FAT3: variants seen among roughly 807,000 people sequenced by gnomAD.
FAT3 encodes the protein protocadherin Fat 3.
In FAT3, 95 loss-of-function variants were observed where a neutral mutation model predicts 310.2. The ratio of observed to expected loss-of-function variants is 0.31; its 90% CI spans 0.26 to 0.36. FAT3 has a LOEUF of 0.36. FAT3 is among the 10% of genes least tolerant of loss of function. The probability of loss-of-function intolerance (pLI) is 1.00; values close to 1 mark genes in which losing one functional copy is unlikely to be tolerated. For synonymous variants in FAT3, 2,314 were observed against 2,192.9 expected (o/e 1.06, Z -1.54); for missense variants, 5,408 against 5,715.6 (o/e 0.95, Z 1.74).
At chr11:92,598,956 T>C (rs1353224454) in intron 3 of FAT3, among the ~76,000 whole-genome samples, 3 of 152,134 alleles carry the variant, frequency 2.0e-5, no homozygotes, top group Admixed American at 6.5e-5. Context: ...CTCATAATCG[T>C]TTTGACTCCC....
intron 3 of FAT3, among the ~76,000 whole-genome samples, chr11:92,640,062 G>A (rs894638809): frequency 6.6e-6 from 1 of 152,016 alleles, no homozygotes; most frequent in African/African-American, 2.4e-5. Context: ...TCAGTTCCTG[G>A]CAGTCTTCAT....
rs186799715 is a variant in FAT3, at chr11:92,801,356, T to C, written c.8343T>C (p.Phe2781=). 2 of 1,613,932 alleles carry C rather than the reference T, an allele frequency of 1.2e-6. No individual in the cohort carries two copies. Among genetic ancestry groups the C allele is most frequent in the Non-Finnish European group, 1.7e-6 (2 of 1,179,864 alleles). ...GTGAAACCAGCCCAGCTTTCCACTT[T>C]AAAGTAGCAGCCACTATACCCCTGG... ...LDRETSPAFH[F]KVAATIPLDK... Residue 2781 remains phenylalanine, a synonymous_variant, in exon 10 of 28, where the codon TTT becomes TTC. Transcript: ENST00000525166.
At chr11:92,848,832 G>A (rs574839621) in intron 19 of FAT3, among the ~76,000 whole-genome samples, 103 of 152,338 alleles carry the variant, frequency 6.8e-4, no homozygotes, top group Non-Finnish European at 1.3e-3. Flanking sequence ...GTATAAAGAG[G>A]AATCACTGGA....
At chr11:92,694,158 T>G (rs1388072024) in intron 3 of FAT3, among the ~76,000 whole-genome samples, 1 of 152,196 alleles carries the variant, frequency 6.6e-6, no homozygotes, top group African/African-American at 2.4e-5. Context: ...GTCTGTAATT[T>G]TAGAACATTT....
intron 17 of FAT3, among the ~76,000 whole-genome samples, chr11:92,839,253 A>C (rs1336701334): frequency 6.6e-6 from 1 of 152,196 alleles, no homozygotes; most frequent in African/African-American, 2.4e-5. Flanking sequence ...CAGGGCAGGC[A>C]TGTCTATGTT....
At chr11:92,485,940 C>T (rs1952368601) in intron 2 of FAT3, among the ~76,000 whole-genome samples, 1 of 151,998 alleles carries the variant, frequency 6.6e-6, no homozygotes, top group Non-Finnish European at 1.5e-5. Flanking sequence ...TAATTCTGAG[C>T]ATATTCTGCA....
chr11:92,553,600 G>A (rs1954894001), intron 3 of FAT3, among the ~76,000 whole-genome samples: 1 of 152,148 alleles, frequency 6.6e-6, no homozygotes, highest in African/African-American at 2.4e-5. Flanking sequence ...TGGGCCCTTG[G>A]CCACACTGGG....
intron 22 of FAT3, 37 bp from the exon 23 acceptor site, chr11:92,880,694 T>C (rs1480096657): frequency 3.8e-6 from 6 of 1,598,076 alleles, no homozygotes; most frequent in Non-Finnish European, 5.1e-6. Context: ...GCCCTAGCAG[T>C]GGCATCCATG....
intron 2 of FAT3, among the ~76,000 whole-genome samples, chr11:92,399,781 T>C (rs955597762): frequency 1.3e-5 from 2 of 152,132 alleles, no homozygotes; most frequent in African/African-American, 4.8e-5. Context: ...CTTACGCAAA[T>C]CAGTTGTCAG....
intron 4 of FAT3, among the ~76,000 whole-genome samples, chr11:92,731,695 C>A (rs1945184125): frequency 8.3e-6 from 1 of 120,226 alleles, no homozygotes; most frequent in Non-Finnish European, 1.9e-5. Context: ...TAGGTTCATT[C>A]TCTTGGGAAA....
intron 2 of FAT3, among the ~76,000 whole-genome samples, chr11:92,478,659 G>A (rs1046432182): frequency 4.0e-5 from 6 of 151,636 alleles, no homozygotes; most frequent in South Asian, 2.1e-4. Flanking sequence ...CTCTGTCCCC[G>A]AGGCTAGAGT....
chr11:92,278,384 G>T (rs71473476), intron 1 of FAT3, among the ~76,000 whole-genome samples: 2,452 of 151,964 alleles, frequency 0.016, 68 homozygotes, highest in African/African-American at 0.055. Context: ...TTTATGCTTC[G>T]CCATGGTAGT....
At chr11:92,309,270 C>T (rs1351426996) in intron 1 of FAT3, among the ~76,000 whole-genome samples, 3 of 149,764 alleles carry the variant, frequency 2.0e-5, no homozygotes. Context: ...ATATGTGGGT[C>T]ACATCCTAGA....
chr11:92,599,142 G>T (rs1197980465), intron 3 of FAT3, among the ~76,000 whole-genome samples: 1 of 152,152 alleles, frequency 6.6e-6, no homozygotes, highest in African/African-American at 2.4e-5. Flanking sequence ...CAAGGGAATT[G>T]TATTAGTCCA....
At chr11:92,667,579 G>C (rs1942996430) in intron 3 of FAT3, among the ~76,000 whole-genome samples, 1 of 152,152 alleles carries the variant, frequency 6.6e-6, no homozygotes, top group Non-Finnish European at 1.5e-5. Flanking sequence ...TTATTGAATG[G>C]GGCTGCCTGC....
At chr11:92,571,467 G>T (rs1955661906) in intron 3 of FAT3, among the ~76,000 whole-genome samples, 1 of 152,208 alleles carries the variant, frequency 6.6e-6, no homozygotes, top group South Asian at 2.1e-4. Context: ...GTGGAGCACA[G>T]TTCAGCCTGT....
chr11:92,660,921 T>G (rs1317917991), intron 3 of FAT3, among the ~76,000 whole-genome samples: 5 of 152,220 alleles, frequency 3.3e-5, no homozygotes, highest in Admixed American at 3.3e-4. Context: ...AGGTGGTGAT[T>G]TATCAGCATT....
At chr11:92,723,970 C>T (rs371420334) in intron 4 of FAT3, among the ~76,000 whole-genome samples, 1 of 152,170 alleles carries the variant, frequency 6.6e-6, no homozygotes, top group East Asian at 1.9e-4. Context: ...AGAGGCTGCT[C>T]TTGGAGAGTC....
chr11:92,668,005 C>G (rs1943010361), intron 3 of FAT3, among the ~76,000 whole-genome samples: 2 of 152,180 alleles, frequency 1.3e-5, no homozygotes, highest in African/African-American at 4.8e-5. Context: ...GTGAGCCTGC[C>G]TTGGGCTCTC....
Sources: allele counts gnomAD v4.1 joint callset (sites outside exome capture counted in the v4.1 genomes callset), GRCh38; gene constraint gnomAD v4.1.1; transcripts MANE v1.5; gene names NCBI Gene and HGNC (gene_info 2026-07-23, HGNC 2026-07-21).